TSR1: variants seen among roughly 807,000 people sequenced by gnomAD.
The protein encoded by TSR1 is TSR1 ribosome maturation factor, also known as pre-rRNA-processing protein TSR1 homolog.
A neutral mutation model predicts 90.9 loss-of-function variants in TSR1; 81 were observed. The ratio of observed to expected loss-of-function variants is 0.89; its 90% CI spans 0.74 to 1.07. The LOEUF (loss-of-function observed/expected upper bound fraction) is 1.07, where lower values mean the gene tolerates loss of function less well. Among genes scored for constraint, TSR1 ranks in the 50% least tolerant of loss-of-function variants. TSR1 has a pLI of 0.00. For synonymous variants in TSR1, 362 were observed against 348.8 expected, an observed-to-expected ratio of 1.04 and a Z score of -0.42; for missense variants, 989 against 987.3, an observed-to-expected ratio of 1.00 and a Z score of -0.02.
Position 2,324,971 on chromosome 17 carries a change from G to GTT in TSR1, c.2021-143_2021-142insAA, listed in dbSNP as rs2075566744. 8 of 899,324 alleles carry GTT rather than the reference G, an allele frequency of 8.9e-6. No homozygotes were observed. The Admixed American group carries it at 2.5e-4, about 28-fold the overall frequency. 55.7% of individuals were successfully genotyped at this position (899,324 alleles called of 1,614,324 possible). A position where few individuals can be genotyped will look rare whatever the true frequency, so the allele number is the denominator to read the frequency against. On this transcript the variant is annotated intron_variant, in intron 12 of 14. Transcript: ENST00000301364. The stretch of plus-strand genomic sequence containing the variant: ...AATCTGAGGCTAAGATTGGTAAACT[G>GTT]TAAGCCCACACTTAACCTTGTCAAT...
chr17:2,324,219 C>T lies in TSR1; in HGVS notation c.2392G>A (p.Val798Met). ...PWLKSEISST[V>M]PQGGME The stretch of plus-strand genomic sequence containing the variant: ...CATTACTCCATGCCCCCTTGAGGCA[C>T]TGTTGAAGAAATCTCACTTTTCAGC... Residue 798 changes from valine to methionine, a missense_variant, in exon 15 of 15, where the codon GTG (valine) becomes ATG (methionine). By Grantham distance (21) the Val-to-Met change is conservative (BLOSUM62 1). Coordinates refer to ENST00000301364, the MANE Select transcript of TSR1 (RefSeq NM_018128.5). 1 of 1,525,580 alleles carries T rather than the reference C, an allele frequency of 6.6e-7. No individual in the cohort carries two copies. The highest frequency in any genetic ancestry group is 8.8e-7 in the Non-Finnish European group (1 of 1,142,174). 94.5% of individuals were successfully genotyped at this position (1,525,580 alleles called of 1,614,324 possible).
Position 2,324,016 on chromosome 17 carries a change from G to A in TSR1, c.*180C>T. The A allele has an allele frequency of 6.8e-6, 8 of 1,172,284 alleles. No individual in the cohort carries two copies. Among genetic ancestry groups the A allele is most frequent in the Non-Finnish European group, 9.5e-6 (8 of 839,314 alleles). 72.6% of individuals were successfully genotyped at this position (1,172,284 alleles called of 1,614,324 possible). On this transcript the variant is annotated 3_prime_UTR_variant, in exon 15 of 15. Transcript: ENST00000301364. ...GATTTAATAGTTTTTTTTGGACTAA[G>A]TAGTGGAAAAACTTTTATACTTAAC... is the stretch of plus-strand genomic sequence containing the variant.
chr17:2,329,783 A>G (rs1039698914), intron 10 of TSR1, among the ~76,000 whole-genome samples: 1 of 152,082 alleles, frequency 6.6e-6, no homozygotes, highest in African/African-American at 2.4e-5. Flanking sequence ...GCATTCACTC[A>G]CCACAATCTC....
Position 2,333,044 on chromosome 17 carries a change from C to A in TSR1, c.1222G>T (p.Gly408Cys). Residue 408 changes from glycine to cysteine, a missense_variant, in exon 7 of 15, where the codon GGT (glycine) becomes TGT (cysteine). Coordinates refer to ENST00000301364, the MANE Select transcript of TSR1 (RefSeq NM_018128.5). ...CCTTCCCCACCACTTTGGCTGCCAC[C>A]ATCCAAAATCCATTCAGCTTGGTAA... The part of the protein sequence containing the change: ...SSYQAEWILD[G>C]GSQSGGEGDE... The A allele has an allele frequency of 6.2e-7, 1 of 1,614,152 alleles. No individual in the cohort carries two copies. The highest frequency in any genetic ancestry group is 1.1e-5 in the South Asian group (1 of 91,084).
chr17:2,332,903 C>A, intron 7 of TSR1, 58 bp downstream of exon 7: 1 of 1,550,294 alleles, frequency 6.5e-7, no homozygotes, highest in Non-Finnish European at 8.8e-7. Flanking sequence ...ATCACACCTG[C>A]ACTTTGCCTT....
Position 2,334,865 on chromosome 17 carries a change from T to C in TSR1, c.588A>G (p.Pro196=), listed in dbSNP as rs746910700. 7 of 1,613,222 alleles carry C rather than the reference T, an allele frequency of 4.3e-6. 1 individual carries two copies. The South Asian group carries it at 6.6e-5, about 15-fold the overall frequency. ...TCCTGGTATCTATTTGTTTCTTCAGTGGGAGGCCAGAAATCCCCTGGACAG... is the reference window on the plus strand; with the variant it reads ...TCCTGGTATCTATTTGTTTCTTCAGCGGGAGGCCAGAAATCCCCTGGACAG... ...TLAVQGISGL[P]LKKQIDTRKK... The change falls in exon 5 of 15, where the codon CCA becomes CCG. Residue 196 remains proline (P), a synonymous_variant. Coordinates refer to ENST00000301364, the MANE Select transcript of TSR1 (RefSeq NM_018128.5).
chr17:2,335,951 T>C, intron 2 of TSR1, 86 bp downstream of exon 2: 1 of 1,428,810 alleles, frequency 7.0e-7, no homozygotes, highest in South Asian at 1.2e-5. Flanking sequence ...CCCTGGACCC[T>C]CCTCCCGGTC....
chr17:2,327,296 G>A (rs1348836647), intron 11 of TSR1, among the ~76,000 whole-genome samples: 1 of 149,586 alleles, frequency 6.7e-6, no homozygotes, highest in Non-Finnish European at 1.5e-5. Context: ...AGACACCTAT[G>A]GTCCGAGCTA....
In TSR1 at chr17:2,334,044, G is replaced by A. The variant is rs924571096; in HGVS notation, c.982-328C>T. On this transcript the variant is annotated intron_variant, in intron 5 of 14. Transcript: ENST00000301364. Reference sequence around the variant, plus strand: ...GTTCATTCTGTCTCTTATCTTCTAGGATATTCTTTTATCCCTCTTCAACTC... The same window carrying A: ...GTTCATTCTGTCTCTTATCTTCTAGAATATTCTTTTATCCCTCTTCAACTC... Among the ~76,000 whole-genome samples the A allele has an allele frequency of 1.6e-4, 24 of 151,998 alleles. 1 individual carries two copies. Among genetic ancestry groups the A allele is most frequent in the Admixed American group, 1.3e-3 (20 of 15,250 alleles).
chr17:2,332,243 T>C lies in TSR1; in HGVS notation c.1422A>G (p.Lys474=). The C allele has an allele frequency of 6.2e-7, 1 of 1,614,176 alleles. No individual in the cohort carries two copies. Among genetic ancestry groups the C allele is most frequent in the Non-Finnish European group, 8.5e-7 (1 of 1,180,026 alleles). Residue 474 remains lysine (K), a synonymous_variant, in exon 8 of 15, where the codon AAA becomes AAG. Transcript: ENST00000301364. ...TCTCTTCCAGTCTTTCTTGTTTATA[T>C]TTCTCCAACATTTTTGCCTCAGCTT... ...DEEAEAKMLE[K]YKQERLEEMF...
At chr17:2,324,414 G>A (rs1007281747) in intron 14 of TSR1, 40 bp from the exon 15 acceptor site, 4 of 1,600,976 alleles carry the variant, frequency 2.5e-6, no homozygotes, top group Non-Finnish European at 3.4e-6. Context: ...ATTAAAAGTA[G>A]AAAATTTTAA....
At position 2,322,876 on chromosome 17, in the gene TSR1, T is replaced by G; in HGVS notation, c.*1320A>C. On this transcript the variant is annotated 3_prime_UTR_variant, in exon 15 of 15. Coordinates refer to ENST00000301364, the MANE Select transcript of TSR1 (RefSeq NM_018128.5). ...CCCTCCCAAGTTCAAGTGATTCTCC[T>G]ACCTCAGCCTCTTGAGTAGCTGGGA... 2.4e-6 allele frequency: 1 copy of G among 421,884 alleles called. No individual in the cohort carries two copies. The highest frequency in any genetic ancestry group is 3.6e-5 in the Admixed American group (1 of 27,592). The allele number at this position is 421,884 out of a possible 1,614,324, so 26.1% of individuals were successfully genotyped here.
At position 2,324,314 on chromosome 17, in the gene TSR1, A is replaced by C. The variant is rs1437063668; in HGVS notation, c.2297T>G (p.Leu766Arg). ...GAAGACTCGTTTATACAGGTTCATC[A>C]GTACTGTGTCTTGAGATTTTAGCTT... Reference protein sequence around the residue: ...DGKLKSQDTVLMNLYKRVFPK... With the variant: ...DGKLKSQDTVRMNLYKRVFPK... Residue 766 changes from leucine (L) to arginine (R), a missense_variant, in exon 15 of 15, where the codon CTG (leucine) becomes CGG (arginine). By Grantham distance (102) the Leu-to-Arg change is moderately radical. Coordinates refer to ENST00000301364, the MANE Select transcript of TSR1 (RefSeq NM_018128.5). 1.9e-6 allele frequency: 3 copies of C among 1,566,278 alleles called. No individual in the cohort carries two copies. The highest frequency in any genetic ancestry group is 2.6e-6 in the Non-Finnish European group (3 of 1,159,652).
rs763468841 is a variant in TSR1 at position 2,325,378 on chromosome 17, G to T, written c.1946C>A (p.Ala649Asp). Residue 649 changes from alanine (A) to aspartate (D), a missense_variant, in exon 12 of 15, where the codon GCC (alanine) becomes GAC (aspartate). Transcript: ENST00000301364. ...KLQRFLTADM[A>D]LVATVYAPIT... ...TGGCGCATAGACTGTCGCCACCAGG[G>T]CCATGTCAGCAGTCAGGAATCTCTG... is the stretch of plus-strand genomic sequence containing the variant. 14 of 1,613,286 alleles carry T rather than the reference G, an allele frequency of 8.7e-6. No homozygotes were observed. The highest frequency in any genetic ancestry group is 2.7e-5 in the African/African-American group (2 of 74,890).
chr17:2,336,138 G>C lies in TSR1; in HGVS notation c.100C>G (p.Arg34Gly). ...RGSAQRDGKG[R>G]LALKTLSKKV... ...TTGCTTAGGGTTTTCAGTGCCAGAC[G>C]GCCTGAATGGCAGATTAGAAGGGGC... The change falls in exon 2 of 15, where the codon CGT (arginine) becomes GGT (glycine). Residue 34 changes from arginine to glycine, a missense_variant and splice_region_variant. Physicochemically the swap from Arg to Gly is moderately radical, Grantham distance 125 (BLOSUM62 -2). Coordinates refer to ENST00000301364, the MANE Select transcript of TSR1 (RefSeq NM_018128.5). 1.2e-6 allele frequency: 2 copies of C among 1,614,014 alleles called. No individual in the cohort carries two copies. Among genetic ancestry groups the C allele is most frequent in the Non-Finnish European group, 1.7e-6 (2 of 1,179,926 alleles).
chr17:2,325,271 G>T, intron 12 of TSR1, 33 bp downstream of exon 12: 1 of 1,501,394 alleles, frequency 6.7e-7, no homozygotes, highest in Non-Finnish European at 9.1e-7. Context: ...TTAAGGACCT[G>T]CAGGGTCTGT....
chr17:2,325,456 T>C (rs1459396980), intron 11 of TSR1, 36 bp from the exon 12 acceptor site: 2 of 1,552,132 alleles, frequency 1.3e-6, no homozygotes, highest in Non-Finnish European at 8.8e-7. Flanking sequence ...AGCAAAACCA[T>C]TTTGAGAAAC....
In TSR1 at chr17:2,334,306, T is replaced by G. The variant is rs545472051; in HGVS notation, c.981+166A>C. Among the ~76,000 whole-genome samples, 3 of 152,346 alleles carry G rather than the reference T, an allele frequency of 2.0e-5. No homozygotes were observed. The East Asian group carries it at 5.8e-4, about 29-fold the overall frequency. ...ATCACAGTGCAGACTACCTAGAAAG[T>G]GCTGGATAAATATGTGATTTATCAA... On this transcript the variant is annotated intron_variant, in intron 5 of 14. Coordinates refer to ENST00000301364, the MANE Select transcript of TSR1 (RefSeq NM_018128.5).
chr17:2,327,220 C>T (rs2075580921), intron 11 of TSR1, among the ~76,000 whole-genome samples: 1 of 151,994 alleles, frequency 6.6e-6, no homozygotes, highest in South Asian at 2.1e-4. Flanking sequence ...AGTTTGAGAA[C>T]AGACTGGCCA....
Sources: allele counts gnomAD v4.1 joint callset (sites outside exome capture counted in the v4.1 genomes callset), GRCh38; gene constraint gnomAD v4.1.1; transcripts MANE v1.5; gene names NCBI Gene and HGNC (gene_info 2026-07-23, HGNC 2026-07-21).